Variants in SUGCT observed in about 807,000 individuals in gnomAD.
SUGCT encodes the protein succinyl-CoA:glutarate-CoA transferase, also known as succinyl-CoA:glutarate CoA-transferase.
In SUGCT, 41 loss-of-function variants were observed where a neutral mutation model predicts 55.0. The ratio of observed to expected loss-of-function variants is 0.74; its 90% CI spans 0.58 to 0.97. The LOEUF is 0.97. Ranked by LOEUF, SUGCT falls within the 50% of genes least tolerant of loss-of-function variation. The pLI, the probability that SUGCT is intolerant of heterozygous loss-of-function variation, is 0.00. For missense variants in SUGCT, 568 were observed against 547.8 expected (o/e 1.04, Z -0.37); for synonymous variants, 187 against 200.4 (o/e 0.93, Z 0.56).
rs553161172 is a variant in SUGCT at position 40,616,196 on chromosome 7, GT to G, written c.1089+119821del. On this transcript the variant is annotated intron_variant, in intron 12 of 13. Transcript: ENST00000335693. Reference sequence around the variant, plus strand: ...ACCAGGAACTAGGTATGTTAAAGTAGTTTTTTTTTTTCTTTTTGAGATGGAG... The same window carrying G: ...ACCAGGAACTAGGTATGTTAAAGTAGTTTTTTTTTTCTTTTTGAGATGGAG... Among the ~76,000 whole-genome samples, 38 of 147,834 alleles carry G rather than the reference GT, an allele frequency of 2.6e-4. 1 individual carries two copies. The highest frequency in any genetic ancestry group is 5.9e-4 in the East Asian group (3 of 5,072).
At chr7:40,187,183 G>T (rs1443043179) in intron 3 of SUGCT, among the ~76,000 whole-genome samples, 1 of 151,970 alleles carries the variant, frequency 6.6e-6, no homozygotes, top group Non-Finnish European at 1.5e-5. Flanking sequence ...ACTATCACAA[G>T]GACAAAAAAC....
Position 40,237,726 on chromosome 7 carries a change from G to A in SUGCT, c.576G>A (p.Glu192=). 1.9e-6 allele frequency: 3 copies of A among 1,612,270 alleles called. No homozygotes were observed. Among genetic ancestry groups the A allele is most frequent in the Non-Finnish European group, 8.5e-7 (1 of 1,178,392 alleles). The change falls in exon 7 of 14, where the codon GAG becomes GAA. Residue 192 remains glutamate (E), a splice_region_variant and synonymous_variant. Transcript: ENST00000335693. The part of the protein sequence containing the change: ...VSGLMHITGP[E]NGDPVRPGVA... Reference sequence around the variant, plus strand: ...GTCTGATGCACATCACAGGGCCTGAGGTAGGTATCCTTCCTTAGAATATTC... The same window carrying A: ...GTCTGATGCACATCACAGGGCCTGAAGTAGGTATCCTTCCTTAGAATATTC...
chr7:40,504,781 A>T (rs940057222), intron 12 of SUGCT, among the ~76,000 whole-genome samples: 3 of 152,176 alleles, frequency 2.0e-5, no homozygotes, highest in Non-Finnish European at 4.4e-5. Context: ...TTTATTTTCT[A>T]GTGAATTTTC....
At chr7:40,178,777 G>A (rs1017299537) in intron 1 of SUGCT, among the ~76,000 whole-genome samples, 12 of 151,928 alleles carry the variant, frequency 7.9e-5, no homozygotes, top group African/African-American at 2.9e-4. Flanking sequence ...TTCCAATCTG[G>A]AAATTTATGC....
At chr7:40,920,657 CA>C in the SUGCT span, among the ~76,000 whole-genome samples, 2 of 152,098 alleles carry the variant, frequency 1.3e-5, no homozygotes, top group Admixed American at 6.6e-5. Context: ...TTTGTCTAAA[CA>C]GGAAAATCAT....
chr7:40,385,567 T>C (rs4566947), intron 9 of SUGCT, among the ~76,000 whole-genome samples: 144,242 of 152,288 alleles, frequency 0.95, 68,789 homozygotes, highest in East Asian at 1. Context: ...TCCCTGTCCT[T>C]AGGCAAGAAA....
intron 6 of SUGCT, among the ~76,000 whole-genome samples, chr7:40,225,427 A>G (rs1450336273): frequency 6.6e-6 from 1 of 150,866 alleles, no homozygotes; most frequent in East Asian, 1.9e-4. Flanking sequence ...GTCTTTGAAT[A>G]ATATATGATT....
chr7:40,769,902 C>T (rs1789004242), intron 13 of SUGCT, among the ~76,000 whole-genome samples: 1 of 152,218 alleles, frequency 6.6e-6, no homozygotes, highest in Admixed American at 6.5e-5. Flanking sequence ...AGCTGTCTGA[C>T]TTCTTTCCCT....
chr7:40,661,177 T>A (rs1330829472), intron 12 of SUGCT, among the ~76,000 whole-genome samples: 23 of 152,224 alleles, frequency 1.5e-4, no homozygotes, highest in Admixed American at 1.5e-3. Context: ...TCTTCTTAAA[T>A]GTTTTTAGCT....
At chr7:40,429,859 C>T (rs1457251759) in intron 9 of SUGCT, among the ~76,000 whole-genome samples, 1 of 152,166 alleles carries the variant, frequency 6.6e-6, no homozygotes, top group African/African-American at 2.4e-5. Context: ...CTCTTTTGTT[C>T]TGTATCTCTG....
intron 12 of SUGCT, among the ~76,000 whole-genome samples, chr7:40,681,011 A>G (rs909791778): frequency 7.2e-5 from 11 of 152,162 alleles, no homozygotes; most frequent in Non-Finnish European, 1.5e-4. Flanking sequence ...ACTTCAAAAC[A>G]TCCTGATCCT....
chr7:40,609,674 C>T (rs1281304491), intron 12 of SUGCT, among the ~76,000 whole-genome samples: 1 of 151,888 alleles, frequency 6.6e-6, no homozygotes, highest in African/African-American at 2.4e-5. Flanking sequence ...AAAATAACAG[C>T]AAAACAACAA....
chr7:40,600,398 C>T (rs1303589525), intron 12 of SUGCT, among the ~76,000 whole-genome samples: 1 of 152,178 alleles, frequency 6.6e-6, no homozygotes, highest in Non-Finnish European at 1.5e-5. Context: ...GAATGGGTTA[C>T]CAGGGCTGAC....
At chr7:40,647,962 A>G (rs1800605493) in intron 12 of SUGCT, among the ~76,000 whole-genome samples, 1 of 152,204 alleles carries the variant, frequency 6.6e-6, no homozygotes, top group Non-Finnish European at 1.5e-5. Flanking sequence ...CATCCCGCAC[A>G]TTCCTTGAAC....
downstream of SUGCT, among the ~76,000 whole-genome samples, chr7:40,862,757 CT>C (rs1794517709): frequency 1.5e-4 from 22 of 144,538 alleles, no homozygotes; most frequent in East Asian, 3.9e-3. Flanking sequence ...TATTCTGAAA[CT>C]TTTTACTGCC....
At chr7:40,237,831 C>A in intron 7 of SUGCT, 105 bp downstream of exon 7, 1 of 829,330 alleles carries the variant, frequency 1.2e-6, no homozygotes, top group Non-Finnish European at 1.9e-6. Context: ...TAGGTTGGGG[C>A]AAAAGTAATT....
intron 9 of SUGCT, among the ~76,000 whole-genome samples, chr7:40,320,001 A>T (rs76115660): frequency 0.02 from 2,984 of 152,004 alleles, 81 homozygotes; most frequent in African/African-American, 0.064. Flanking sequence ...TCAGATTTTT[A>T]AAAAAAAGTT....
At position 40,744,531 on chromosome 7, in the gene SUGCT, A is replaced by G. The variant is rs111474636; in HGVS notation, c.1090-4903A>G. Among the ~76,000 whole-genome samples the G allele has an allele frequency of 1.9e-3, 294 of 152,274 alleles. 1 individual carries two copies. The highest frequency in any genetic ancestry group is 6.9e-3 in the African/African-American group (285 of 41,568). On this transcript the variant is annotated intron_variant, in intron 12 of 13. Transcript: ENST00000335693. ...GCTTTTCCATTTTTTTTTGTCTCCA[A>G]CTGCCAGAACCTGGCTAAATTAGAC...
intron 13 of SUGCT, among the ~76,000 whole-genome samples, chr7:40,783,331 G>A (rs1789852933): frequency 6.6e-6 from 1 of 151,980 alleles, no homozygotes; most frequent in Non-Finnish European, 1.5e-5. Flanking sequence ...GAACTTTCAG[G>A]CCCCACAGGC....
Sources: gnomAD v4.1 joint callset for allele counts (sites outside exome capture counted in the v4.1 genomes callset) on GRCh38, gnomAD v4.1.1 for gene constraint, MANE v1.5 for transcripts, NCBI Gene and HGNC (gene_info 2026-07-23, HGNC 2026-07-21) for gene names.